The following LRP2 variants were observed in gnomAD, a reference collection of about 807,000 sequenced individuals.
LRP2 encodes low-density lipoprotein receptor-related protein 2.
A neutral mutation model predicts 531.0 loss-of-function variants in LRP2; 172 were observed. The ratio of observed to expected loss-of-function variants is 0.32; its 90% confidence interval spans 0.29 to 0.37. The LOEUF (loss-of-function observed/expected upper bound fraction) is 0.37, where lower values mean the gene tolerates loss of function less well. Among genes scored for constraint, LRP2 ranks in the 10% least tolerant of loss-of-function variants. The probability of loss-of-function intolerance (pLI) is 1.00; values close to 1 mark genes in which losing one functional copy is unlikely to be tolerated. For missense variants in LRP2, 5,167 were observed against 5,868.3 expected, an observed-to-expected ratio of 0.88 and a Z score of 3.90; for synonymous variants, 1,992 against 2,027.6, an observed-to-expected ratio of 0.98 and a Z score of 0.47.
chr2:169,294,328 A>C, intron 5 of LRP2, 67 bp from the exon 6 acceptor site: 142 of 954,490 alleles, frequency 1.5e-4, no homozygotes, highest in Non-Finnish European at 2.3e-4. Flanking sequence ...ATTTAATCTC[A>C]AAGGAAGAGC....
chr2:169,216,440 T>C lies in LRP2; in HGVS notation c.5649-10A>G, dbSNP rs368393195. The C allele has an allele frequency of 1.4e-5, 23 of 1,613,074 alleles. No individual in the cohort carries two copies. The highest frequency in any genetic ancestry group is 1.9e-5 in the Non-Finnish European group (22 of 1,179,360). ...TGACCAGTACAGCTTCCTACAACCA[T>C]GAAAAACACCAGCATGTAACAAAAC... On this transcript the variant is annotated splice_polypyrimidine_tract_variant and intron_variant, in intron 34 of 78. Transcript: ENST00000649046.
At chr2:169,194,892 A>T (rs1422440275) in intron 46 of LRP2, among the ~76,000 whole-genome samples, 1 of 149,000 alleles carries the variant, frequency 6.7e-6, no homozygotes, top group East Asian at 2.0e-4. Flanking sequence ...TTGTGTTTTT[A>T]GTAGAGACAG....
chr2:169,329,358 C>T (rs1197304000), intron 1 of LRP2, among the ~76,000 whole-genome samples: 1 of 152,110 alleles, frequency 6.6e-6, no homozygotes, highest in African/African-American at 2.4e-5. Context: ...GCCTGGCCAA[C>T]ATGGTGAAAC....
intron 9 of LRP2, among the ~76,000 whole-genome samples, chr2:169,286,978 G>C (rs947915835): frequency 4.6e-5 from 7 of 152,168 alleles, no homozygotes; most frequent in African/African-American, 1.4e-4. Context: ...GTAGCAGTGA[G>C]GGGGGAAAAG....
intron 1 of LRP2, among the ~76,000 whole-genome samples, chr2:169,331,856 A>T (rs2105539997): frequency 6.6e-6 from 1 of 152,314 alleles, no homozygotes; most frequent in South Asian, 2.1e-4. Flanking sequence ...TAGCAATATA[A>T]ATTACTGGAA....
chr2:169,177,909 T>C lies in LRP2; in HGVS notation c.10287A>G (p.Thr3429=). Residue 3429 remains threonine, a synonymous_variant, in exon 53 of 79, where the codon ACA becomes ACG. Coordinates refer to ENST00000649046, the MANE Select transcript of LRP2 (RefSeq NM_004525.3). The part of the protein sequence containing the change: ...TIYWTDWNTR[T]VEKGNKYDGS... ...CATCATATTTGTTTCCCTTTTCCAC[T>C]GTCCTTGTATTCCAATCTGTCCAAT... is the stretch of plus-strand genomic sequence containing the variant. The C allele has an allele frequency of 1.9e-6, 3 of 1,614,238 alleles. No homozygotes were observed. Among genetic ancestry groups the C allele is most frequent in the South Asian group, 1.1e-5 (1 of 91,086 alleles).
intron 1 of LRP2, among the ~76,000 whole-genome samples, chr2:169,336,530 A>T: frequency 6.9e-6 from 1 of 145,080 alleles, no homozygotes; most frequent in South Asian, 2.2e-4. Context: ...ACAGAGCAAG[A>T]CTCCATCACA....
At chr2:169,264,274 T>TA (rs1374733549) in intron 16 of LRP2, among the ~76,000 whole-genome samples, 5 of 151,414 alleles carry the variant, frequency 3.3e-5, no homozygotes, top group Admixed American at 2.0e-4. Context: ...ATAAAAAAAT[T>TA]AAAAAAAGGT....
intron 63 of LRP2, among the ~76,000 whole-genome samples, chr2:169,158,056 T>TTATATATA (rs143892285): frequency 2.3e-5 from 2 of 87,846 alleles, no homozygotes; most frequent in Non-Finnish European, 2.2e-5. Flanking sequence ...GACCAATTGA[T>TTATATATA]TATATACACA....
At chr2:169,330,999 A>ACTCCC (rs1443937525) in intron 1 of LRP2, among the ~76,000 whole-genome samples, 1 of 152,194 alleles carries the variant, frequency 6.6e-6, no homozygotes, top group East Asian at 1.9e-4. Flanking sequence ...CTTGAAATGA[A>ACTCCC]CTCCCCTGGG....
chr2:169,162,201 C>T (rs1002766788), intron 63 of LRP2, among the ~76,000 whole-genome samples: 4 of 152,264 alleles, frequency 2.6e-5, no homozygotes, highest in South Asian at 4.1e-4. Context: ...CTGGCCAATT[C>T]GTTTAACCTC....
chr2:169,158,986 A>G (rs1686467515), intron 63 of LRP2, among the ~76,000 whole-genome samples: 1 of 152,270 alleles, frequency 6.6e-6, no homozygotes, highest in Non-Finnish European at 1.5e-5. Flanking sequence ...CATTGCCCCA[A>G]GATCTTGTCT....
At position 169,275,445 on chromosome 2, in the gene LRP2, C is replaced by G. The variant is rs1574210629; in HGVS notation, c.1773-207G>C. ...TTTCATGTTGTCTCTTGGAAAAGAC[C>G]CTTGAGACTTACATTCCAGTCCCAG... On this transcript the variant is annotated intron_variant, in intron 13 of 78. Coordinates refer to ENST00000649046, the MANE Select transcript of LRP2 (RefSeq NM_004525.3). The G allele has an allele frequency of 1.8e-5, 10 of 558,534 alleles. No homozygotes were observed. The East Asian group carries it at 2.9e-4, about 16-fold the overall frequency. The allele number at this position is 558,534 out of a possible 1,614,324, so 34.6% of individuals were successfully genotyped here.
At chr2:169,318,726 A>T in intron 3 of LRP2, 36 bp downstream of exon 3, 1 of 1,613,898 alleles carries the variant, frequency 6.2e-7, no homozygotes, top group Non-Finnish European at 8.5e-7. Flanking sequence ...TTAGGTGTCC[A>T]CAAAGCCAAA....
intron 71 of LRP2, 42 bp from the exon 72 acceptor site, chr2:169,140,587 T>C: frequency 1.4e-6 from 2 of 1,479,994 alleles, no homozygotes; most frequent in Middle Eastern, 1.8e-4. Context: ...TCAGCTGTAC[T>C]CAGCAGAGTG....
chr2:169,256,233 A>C lies in LRP2; in HGVS notation c.2643T>G (p.Ala881=). The C allele has an allele frequency of 6.2e-7, 1 of 1,611,906 alleles. No individual in the cohort carries two copies. The highest frequency in any genetic ancestry group is 8.5e-7 in the Non-Finnish European group (1 of 1,178,442). Residue 881 remains alanine (A), a synonymous_variant, in exon 19 of 79, where the codon GCT becomes GCG. Coordinates refer to ENST00000649046, the MANE Select transcript of LRP2 (RefSeq NM_004525.3). The stretch of plus-strand genomic sequence containing the variant: ...AGGCATCTACCCAGTACAATCGTGA[A>C]GCACTAAAATAATAAAATATTTAGT... ...WPNGLAIDWA[A]SRLYWVDAYF... is the part of the protein sequence containing the mutation.
At chr2:169,160,654 C>T (rs531373639) in intron 63 of LRP2, among the ~76,000 whole-genome samples, 3 of 130,324 alleles carry the variant, frequency 2.3e-5, no homozygotes, top group Non-Finnish European at 4.9e-5. Context: ...TGCTTCCATA[C>T]CCGAATTGTT....
chr2:169,238,697 C>T (rs189073001), intron 26 of LRP2, among the ~76,000 whole-genome samples: 1 of 152,028 alleles, frequency 6.6e-6, no homozygotes, highest in Non-Finnish European at 1.5e-5. Flanking sequence ...TTTTCTGAGG[C>T]CCTCAGCTAT....
At chr2:169,226,397 A>T in intron 32 of LRP2, 25 bp downstream of exon 32, 1 of 1,581,208 alleles carries the variant, frequency 6.3e-7, no homozygotes, top group Non-Finnish European at 8.7e-7. Flanking sequence ...TAAATTATAT[A>T]CTTTGAATGT....
Sources: gnomAD v4.1 joint callset for allele counts (sites outside exome capture counted in the v4.1 genomes callset) on GRCh38, gnomAD v4.1.1 for gene constraint, MANE v1.5 for transcripts, NCBI Gene and HGNC (gene_info 2026-07-23, HGNC 2026-07-21) for gene names.